The following MYO1H variants were observed in gnomAD, a reference collection of about 807,000 sequenced individuals.
MYO1H encodes the protein myosin IH, also known as unconventional myosin-Ih.
In MYO1H, 118 loss-of-function variants were observed where a neutral mutation model predicts 149.3. The observed-to-expected ratio is 0.79, with a 90% CI of 0.68 to 0.92. The LOEUF (loss-of-function observed/expected upper bound fraction) is 0.92. Among genes scored for constraint, MYO1H ranks in the 40% least tolerant of loss-of-function variants. MYO1H has a pLI of 0.00. For synonymous variants in MYO1H, 447 were observed against 465.2 expected, an observed-to-expected ratio of 0.96 and a Z score of 0.50; for missense variants, 1,212 against 1,280.7, an observed-to-expected ratio of 0.95 and a Z score of 0.82.
At chr12:109,355,709 T>A (rs1241538907) in intron 1 of MYO1H, among the ~76,000 whole-genome samples, 1 of 151,562 alleles carries the variant, frequency 6.6e-6, no homozygotes, top group Non-Finnish European at 1.5e-5. Flanking sequence ...TGGTTTTTCT[T>A]TGTTTGTTTT....
chr12:109,398,938 G>A (rs566539810), intron 5 of MYO1H, among the ~76,000 whole-genome samples: 6 of 152,120 alleles, frequency 3.9e-5, no homozygotes, highest in Non-Finnish European at 7.4e-5. Flanking sequence ...TGGACAATGC[G>A]TAAGTGAATG....
chr12:109,407,087 C>A (rs777301853), intron 9 of MYO1H, among the ~76,000 whole-genome samples: 1 of 152,164 alleles, frequency 6.6e-6, no homozygotes, highest in Non-Finnish European at 1.5e-5. Flanking sequence ...TGTCTTCCCT[C>A]CACAGGAGTC....
intron 1 of MYO1H, among the ~76,000 whole-genome samples, chr12:109,368,227 A>C (rs1868909042): frequency 6.6e-6 from 1 of 152,256 alleles, no homozygotes; most frequent in Non-Finnish European, 1.5e-5. Context: ...CAAGGACAGG[A>C]ATATCTTTCT....
intron 15 of MYO1H, among the ~76,000 whole-genome samples, chr12:109,419,470 G>A (rs930766624): frequency 3.9e-5 from 6 of 152,028 alleles, no homozygotes; most frequent in African/African-American, 9.7e-5. Context: ...GGCTTTCTGT[G>A]GGGGGAGTGA....
intron 1 of MYO1H, among the ~76,000 whole-genome samples, chr12:109,373,850 G>C (rs1869037945): frequency 6.6e-6 from 1 of 152,132 alleles, no homozygotes; most frequent in Non-Finnish European, 1.5e-5. Context: ...TAGCCAGAGT[G>C]GTGGCACATA....
chr12:109,357,284 A>T (rs1266786006), intron 1 of MYO1H: 2 of 152,260 alleles, frequency 1.3e-5, no homozygotes, highest in Non-Finnish European at 2.9e-5. Flanking sequence ...GAATAAAAAA[A>T]GGTCTTAATT....
chr12:109,391,106 C>CATGTGCAGG (rs950020700), intron 2 of MYO1H, among the ~76,000 whole-genome samples: 1 of 152,172 alleles, frequency 6.6e-6, no homozygotes, highest in Non-Finnish European at 1.5e-5. Flanking sequence ...TTCAGGGGTA[C>CATGTGCAGG]ATGTGCAGGA....
intron 16 of MYO1H, among the ~76,000 whole-genome samples, chr12:109,423,276 A>G (rs1017254714): frequency 1.3e-5 from 2 of 151,250 alleles, no homozygotes; most frequent in African/African-American, 4.8e-5. Flanking sequence ...CTCCTGCCTC[A>G]GCCTCCCGAG....
At position 109,438,633 on chromosome 12, in the gene MYO1H, G is replaced by A. The variant is rs1566042911; in HGVS notation, c.2294+13G>A. 3 of 1,595,958 alleles carry A rather than the reference G, an allele frequency of 1.9e-6. No individual in the cohort carries two copies. Among genetic ancestry groups the A allele is most frequent in the Admixed American group, 3.4e-5 (2 of 58,742 alleles). ...GGATTATCAGAAAGTAAGTTCTCAGGTACAACAGAGAGGACAGGTCACTAA... is the reference window on the plus strand; with the variant it reads ...GGATTATCAGAAAGTAAGTTCTCAGATACAACAGAGAGGACAGGTCACTAA... On this transcript the variant is annotated intron_variant, in intron 23 of 31. Coordinates refer to ENST00000310903, the Ensembl canonical transcript of MYO1H.
rs112790153 is a variant in MYO1H at position 109,434,402 on chromosome 12, G to A, written c.2064-635G>A. Among the ~76,000 whole-genome samples the A allele has an allele frequency of 7.5e-3, 1,138 of 152,250 alleles. 7 individuals carry two copies. Among genetic ancestry groups the A allele is most frequent in the Admixed American group, 0.012 (190 of 15,292 alleles). ...CCAGCTACTCGGGAGTCTGAGGCACGAGAATCATTTGAACCTGGGAGATGG... is the reference window on the plus strand; with the variant it reads ...CCAGCTACTCGGGAGTCTGAGGCACAAGAATCATTTGAACCTGGGAGATGG... On this transcript the variant is annotated intron_variant, in intron 20 of 31. Transcript: ENST00000310903.
chr12:109,329,605 G>A, the MYO1H span, among the ~76,000 whole-genome samples: 1 of 152,186 alleles, frequency 6.6e-6, no homozygotes, highest in Non-Finnish European at 1.5e-5. Flanking sequence ...TTAAATGCAG[G>A]TGGTTGAAAT....
intron 15 of MYO1H, among the ~76,000 whole-genome samples, chr12:109,417,977 G>A (rs7301717): frequency 0.18 from 26,427 of 150,484 alleles, 2,692 homozygotes; most frequent in African/African-American, 0.28. Flanking sequence ...CACCACGCCC[G>A]GCTAATTTTT....
At chr12:109,346,090 C>T (rs549617691), upstream of MYO1H, among the ~76,000 whole-genome samples, 1 of 152,268 alleles carries the variant, frequency 6.6e-6, no homozygotes, top group African/African-American at 2.4e-5. Flanking sequence ...TCCATGAATT[C>T]AACCAACCTT....
chr12:109,394,637 C>T (rs1869814795), intron 3 of MYO1H, among the ~76,000 whole-genome samples: 1 of 151,248 alleles, frequency 6.6e-6, no homozygotes, highest in African/African-American at 2.4e-5. Flanking sequence ...TTTTCTTGCC[C>T]AGGCTTTGCT....
chr12:109,406,963 C>A, intron 9 of MYO1H, 103 bp downstream of exon 9: 1 of 1,016,614 alleles, frequency 9.8e-7, no homozygotes, highest in Non-Finnish European at 1.5e-6. Context: ...ACCTTTGATC[C>A]TAGCTCACCA....
exon 23 of MYO1H, chr12:109,438,589 A>AGGAGAAAGT: frequency 1.2e-6 from 2 of 1,613,282 alleles, no homozygotes; most frequent in Non-Finnish European, 1.7e-6. Flanking sequence ...GGCAATCCAA[A>AGGAGAAAGT]GGAGAAAGTG....
chr12:109,442,582 G>T (rs1872188082), intron 27 of MYO1H, among the ~76,000 whole-genome samples: 1 of 152,164 alleles, frequency 6.6e-6, no homozygotes, highest in Non-Finnish European at 1.5e-5. Context: ...AGGCAGTGTG[G>T]CATAGTGCCT....
chr12:109,327,122 C>T, the MYO1H span, among the ~76,000 whole-genome samples: 14 of 111,376 alleles, frequency 1.3e-4, no homozygotes, highest in South Asian at 2.7e-4. Flanking sequence ...TTTTCTTTTT[C>T]TTTTTCTTTT....
chr12:109,393,510 T>A, intron 3 of MYO1H, 64 bp downstream of exon 3: 1 of 1,023,878 alleles, frequency 9.8e-7, no homozygotes, highest in Non-Finnish European at 1.5e-6. Context: ...TCTCTCTCCT[T>A]CCTTCTCACC....
Sources: allele counts gnomAD v4.1 joint callset (sites outside exome capture counted in the v4.1 genomes callset), GRCh38; gene constraint gnomAD v4.1.1; transcripts MANE v1.5; gene names NCBI Gene and HGNC (gene_info 2026-07-23, HGNC 2026-07-21).